The following ADAMTS18 variants were observed in gnomAD, a reference collection of about 807,000 sequenced individuals.
The protein encoded by ADAMTS18 is ADAM metallopeptidase with thrombospondin type 1 motif 18, also known as A disintegrin and metalloproteinase with thrombospondin motifs 18.
Under a neutral mutation model 165.9 loss-of-function variants are expected in ADAMTS18, and 157 were observed. The observed-to-expected ratio is 0.95, with a 90% confidence interval of 0.83 to 1.08. The LOEUF is 1.08. Among genes scored for constraint, ADAMTS18 ranks in the 50% least tolerant of loss-of-function variants. The pLI, the probability that ADAMTS18 is intolerant of heterozygous loss-of-function variation, is 0.00. For synonymous variants in ADAMTS18, 782 were observed against 578.2 expected (o/e 1.35, Z -5.06); for missense variants, 2,040 against 1,534.0 (o/e 1.33, Z -5.51).
chr16:77,384,160 G>A (rs924917098), intron 3 of ADAMTS18, among the ~76,000 whole-genome samples: 6 of 152,118 alleles, frequency 3.9e-5, no homozygotes, highest in Non-Finnish European at 8.8e-5. Context: ...TAAAAATAAA[G>A]CAATATGTAT....
intron 7 of ADAMTS18, 138 bp downstream of exon 7, chr16:77,361,967 G>T: frequency 1.0e-6 from 1 of 964,206 alleles, no homozygotes; most frequent in Admixed American, 2.0e-5. Flanking sequence ...AGTCACCACA[G>T]GGTACATTAG....
chr16:77,418,381 GC>G (rs1231488484), intron 3 of ADAMTS18, among the ~76,000 whole-genome samples: 5 of 152,132 alleles, frequency 3.3e-5, no homozygotes, highest in Admixed American at 3.3e-4. Context: ...GGACAACTGT[GC>G]CCCCAGGAAA....
intron 3 of ADAMTS18, among the ~76,000 whole-genome samples, chr16:77,376,313 AG>A: frequency 6.6e-6 from 1 of 152,284 alleles, no homozygotes; most frequent in South Asian, 2.1e-4. Context: ...GAGAATAGCA[AG>A]GGGGAAATCC....
rs150089180 is a variant in ADAMTS18, at chr16:77,295,255, T to A, written c.2802-128A>T. The A allele has an allele frequency of 2.3e-3, 2,136 of 935,268 alleles. 5 individuals are homozygous for A. The highest frequency in any genetic ancestry group is 3.0e-3 in the Non-Finnish European group (1,804 of 596,290). The allele number at this position is 935,268 out of a possible 1,614,324, so 57.9% of individuals were successfully genotyped here. A position where few individuals can be genotyped will look rare whatever the true frequency, so the allele number is the denominator to read the frequency against. On this transcript the variant is annotated intron_variant, in intron 18 of 22. Coordinates refer to ENST00000282849, the MANE Select transcript of ADAMTS18 (RefSeq NM_199355.4). ...ATTTCAGAACCAATAAGATAAGTTA[T>A]TCTAATTGTTCTTTGAGGGATCCAG...
At chr16:77,382,075 G>T (rs62043598) in intron 3 of ADAMTS18, among the ~76,000 whole-genome samples, 55,168 of 151,910 alleles carry the variant, frequency 0.36, 10,615 homozygotes, top group Non-Finnish European at 0.44. Flanking sequence ...TGCAACAGCC[G>T]CGCCACATCC....
intron 3 of ADAMTS18, among the ~76,000 whole-genome samples, chr16:77,386,226 C>A (rs2057105551): frequency 6.6e-6 from 1 of 152,148 alleles, no homozygotes. Flanking sequence ...ATTGTCAGAG[C>A]CCAGTTAAGG....
intron 3 of ADAMTS18, among the ~76,000 whole-genome samples, chr16:77,384,460 G>A (rs923540758): frequency 6.6e-5 from 10 of 152,282 alleles, no homozygotes; most frequent in South Asian, 6.2e-4. Flanking sequence ...AGGTACTGGC[G>A]TGACACTCAA....
At chr16:77,374,843 G>A (rs989916231) in intron 3 of ADAMTS18, among the ~76,000 whole-genome samples, 2 of 152,060 alleles carry the variant, frequency 1.3e-5, no homozygotes, top group African/African-American at 4.8e-5. Context: ...AGAGTGACAA[G>A]GACAAAAATC....
chr16:77,366,290 G>C (rs957157838), intron 4 of ADAMTS18, among the ~76,000 whole-genome samples: 1 of 152,198 alleles, frequency 6.6e-6, no homozygotes, highest in Non-Finnish European at 1.5e-5. Context: ...TGGGCGCAGT[G>C]GCTCATGCCT....
chr16:77,282,288 TAATA>T lies in ADAMTS18; in HGVS notation c.*1664_*1667del, dbSNP rs1413269845. ...TGAGAACACATAATAGGCTATTAAT[TAATA>T]AATTAATTTTCCATAAAATAATAAA... On this transcript the variant is annotated 3_prime_UTR_variant, in exon 23 of 23. Coordinates refer to ENST00000282849, the MANE Select transcript of ADAMTS18 (RefSeq NM_199355.4). The T allele has an allele frequency of 3.3e-5, 5 of 152,030 alleles. No homozygotes were observed. Among genetic ancestry groups the T allele is most frequent in the African/African-American group, 7.3e-5 (3 of 41,358 alleles). The allele number at this position is 152,030 out of a possible 1,614,324, so 9.4% of individuals were successfully genotyped here.
At chr16:77,294,836 G>A (rs1567458921) in intron 19 of ADAMTS18, 87 bp downstream of exon 19, 1 of 1,278,574 alleles carries the variant, frequency 7.8e-7, no homozygotes. Context: ...CATGTAAACT[G>A]CCAAGAGCCC....
At chr16:77,286,565 G>T (rs2055255342) in intron 22 of ADAMTS18, among the ~76,000 whole-genome samples, 2 of 152,002 alleles carry the variant, frequency 1.3e-5, no homozygotes, top group South Asian at 4.1e-4. Context: ...TTCAAAACTT[G>T]CTCAAAGCTC....
At chr16:77,354,403 C>T (rs2056599009) in intron 9 of ADAMTS18, among the ~76,000 whole-genome samples, 1 of 151,800 alleles carries the variant, frequency 6.6e-6, no homozygotes, top group Non-Finnish European at 1.5e-5. Flanking sequence ...AATAACATTC[C>T]TAAAGAATCA....
chr16:77,363,929 A>C, intron 5 of ADAMTS18, 44 bp from the exon 6 acceptor site: 4 of 1,578,180 alleles, frequency 2.5e-6, no homozygotes, highest in Non-Finnish European at 3.5e-6. Context: ...AAATTTTCAA[A>C]ACCTTAGGGG....
intron 7 of ADAMTS18, among the ~76,000 whole-genome samples, chr16:77,361,801 T>G (rs566955914): frequency 2.8e-4 from 42 of 152,206 alleles, no homozygotes; most frequent in African/African-American, 1.0e-3. Context: ...GAAGAATTGC[T>G]TGAACCCAGG....
chr16:77,415,787 C>G (rs1024340444), intron 3 of ADAMTS18, among the ~76,000 whole-genome samples: 10 of 146,678 alleles, frequency 6.8e-5, no homozygotes, highest in African/African-American at 1.0e-4. Context: ...ATAAAAGACA[C>G]GCCATTGATG....
At chr16:77,320,433 G>GT (rs1349134615) in intron 15 of ADAMTS18, among the ~76,000 whole-genome samples, 26 of 152,268 alleles carry the variant, frequency 1.7e-4, no homozygotes, top group African/African-American at 5.5e-4. Flanking sequence ...AAGGTCAGGA[G>GT]TTTGAGACCA....
chr16:77,424,120 G>A (rs12595934), intron 3 of ADAMTS18, among the ~76,000 whole-genome samples: 60,596 of 151,958 alleles, frequency 0.4, 12,524 homozygotes, highest in Non-Finnish European at 0.47. Flanking sequence ...AGGAAGCCCA[G>A]TACTTACAAC....
At chr16:77,398,268 G>C (rs1486431391) in intron 3 of ADAMTS18, among the ~76,000 whole-genome samples, 4 of 151,986 alleles carry the variant, frequency 2.6e-5, no homozygotes, top group Non-Finnish European at 4.4e-5. Flanking sequence ...AGTGAGCCAA[G>C]ATCACGCCAC....
Sources: gnomAD v4.1 joint callset for allele counts (sites outside exome capture counted in the v4.1 genomes callset) on GRCh38, gnomAD v4.1.1 for gene constraint, MANE v1.5 for transcripts, NCBI Gene and HGNC (gene_info 2026-07-23, HGNC 2026-07-21) for gene names.